CFHR5: variants seen among roughly 807,000 people sequenced by gnomAD.
CFHR5 encodes complement factor H-related protein 5.
A neutral mutation model predicts 62.9 loss-of-function variants in CFHR5; 73 were observed. The observed-to-expected ratio is 1.16, with a 90% CI of 0.96 to 1.41. CFHR5 has a LOEUF of 1.41. Ranked by LOEUF, CFHR5 falls within the 40% of genes most tolerant of loss-of-function variation. The pLI is 0.00. For missense variants in CFHR5, 779 were observed against 679.9 expected, an observed-to-expected ratio of 1.15 and a Z score of -1.62; for synonymous variants, 249 against 227.2, an observed-to-expected ratio of 1.10 and a Z score of -0.86.
chr1:196,976,105 T>C (rs1653389809), upstream of CFHR5, among the ~76,000 whole-genome samples: 1 of 152,174 alleles, frequency 6.6e-6, no homozygotes, highest in African/African-American at 2.4e-5. Flanking sequence ...TTAGGTAGTG[T>C]AGTAATTGGA....
chr1:196,992,677 A>C lies in CFHR5; in HGVS notation c.431-1403A>C, dbSNP rs146199412. ...TCTTGGAACAGAATCAAGATCAATT[A>C]TTTTCAATGGCATTTTGTTTTTAAC... On this transcript the variant is annotated intron_variant, in intron 3 of 9. Coordinates refer to ENST00000256785, the MANE Select transcript of CFHR5 (RefSeq NM_030787.4). Among the ~76,000 whole-genome samples, 15 of 152,306 alleles carry C rather than the reference A, an allele frequency of 9.8e-5. No individual in the cohort carries two copies. In the East Asian group the frequency reaches 2.9e-3, roughly 29 times the overall value.
intron 2 of CFHR5, among the ~76,000 whole-genome samples, chr1:196,983,718 T>C (rs1007669246): frequency 3.9e-5 from 6 of 152,114 alleles, no homozygotes; most frequent in Non-Finnish European, 8.8e-5. Flanking sequence ...TAGAAGAGTT[T>C]ATAAACACAA....
At chr1:197,003,616 A>G (rs1654206411) in intron 8 of CFHR5, among the ~76,000 whole-genome samples, 1 of 152,170 alleles carries the variant, frequency 6.6e-6, no homozygotes, top group South Asian at 2.1e-4. Flanking sequence ...CAATCTATTT[A>G]TCTAAATAAA....
chr1:196,998,927 A>G (rs960519774), intron 7 of CFHR5, among the ~76,000 whole-genome samples: 3 of 152,028 alleles, frequency 2.0e-5, no homozygotes, highest in Non-Finnish European at 2.9e-5. Flanking sequence ...ACTTCTCATC[A>G]GCAACGTCAA....
chr1:196,996,475 T>C (rs916694778), intron 6 of CFHR5, among the ~76,000 whole-genome samples: 1 of 152,210 alleles, frequency 6.6e-6, no homozygotes, highest in African/African-American at 2.4e-5. Flanking sequence ...TATGCTTGAA[T>C]AGTTATACTT....
Position 196,995,820 on chromosome 1 carries a change from C to T in CFHR5, c.711C>T (p.Cys237=). The T allele has an allele frequency of 6.2e-7, 1 of 1,612,462 alleles. No homozygotes were observed. The highest frequency in any genetic ancestry group is 8.5e-7 in the Non-Finnish European group (1 of 1,178,676). The change falls in exon 5 of 10, where the codon TGC becomes TGT. Residue 237 remains cysteine, a synonymous_variant. Coordinates refer to ENST00000256785, the MANE Select transcript of CFHR5 (RefSeq NM_030787.4). ...ACAATGAAGTAGTGGAATATGATTG[C>T]AATCCTAATTTTATAATAAACGGGC... The part of the protein sequence containing the change: ...YGHNEVVEYD[C]NPNFIINGPK...
chr1:196,990,048 G>T (rs552391128), intron 3 of CFHR5, among the ~76,000 whole-genome samples: 47 of 152,194 alleles, frequency 3.1e-4, no homozygotes, highest in Non-Finnish European at 4.4e-5. Context: ...ATTAATCTGG[G>T]TTCTCCTGTT....
At chr1:196,976,799 C>CTT (rs10588279), upstream of CFHR5, among the ~76,000 whole-genome samples, 1,547 of 98,082 alleles carry the variant, frequency 0.016, 41 homozygotes, top group African/African-American at 0.033. Context: ...AAAAATTATT[C>CTT]TTTTTTTTTT....
intron 7 of CFHR5, 127 bp downstream of exon 7, chr1:196,998,431 G>A (rs963558853): frequency 3.8e-6 from 3 of 783,744 alleles, no homozygotes; most frequent in Non-Finnish European, 6.4e-6. Flanking sequence ...TAGTAAAGTA[G>A]AAACTAGTTA....
intron 3 of CFHR5, among the ~76,000 whole-genome samples, chr1:196,987,653 G>T (rs756007790): frequency 2.4e-4 from 36 of 152,106 alleles, no homozygotes; most frequent in Non-Finnish European, 4.9e-4. Context: ...TCTCAGGTTT[G>T]TCAAAGATCA....
intron 1 of CFHR5, among the ~76,000 whole-genome samples, chr1:196,982,122 C>T (rs965308162): frequency 7.3e-5 from 11 of 150,990 alleles, no homozygotes; most frequent in Admixed American, 3.3e-4. Flanking sequence ...TTTTACTGCA[C>T]CAGAAAAAAA....
At chr1:196,989,009 T>TAGA (rs1653770639) in intron 3 of CFHR5, among the ~76,000 whole-genome samples, 1 of 152,118 alleles carries the variant, frequency 6.6e-6, no homozygotes, top group Admixed American at 6.5e-5. Flanking sequence ...CTGAACTTTT[T>TAGA]TGGGTGGTAG....
chr1:196,988,245 C>T (rs1364769955), intron 3 of CFHR5, among the ~76,000 whole-genome samples: 6 of 152,128 alleles, frequency 3.9e-5, no homozygotes, highest in Admixed American at 6.5e-5. Context: ...GCTGAAGTTG[C>T]TTATCAGCTT....
intron 7 of CFHR5, among the ~76,000 whole-genome samples, chr1:196,999,554 T>C (rs1654077328): frequency 1.3e-5 from 2 of 151,096 alleles, no homozygotes; most frequent in African/African-American, 4.9e-5. Flanking sequence ...CCTAGTGATG[T>C]AATGTTTAAA....
Position 197,008,584 on chromosome 1 carries a change from T to C in CFHR5, c.1611T>C (p.Val537=). The C allele has an allele frequency of 6.2e-7, 1 of 1,613,624 alleles. No homozygotes were observed. The highest frequency in any genetic ancestry group is 8.5e-7 in the Non-Finnish European group (1 of 1,179,596). The change falls in exon 10 of 10, where the codon GTT becomes GTC. Residue 537 remains valine (V), a synonymous_variant. Transcript: ENST00000256785. ...GKLYAKTGDA[V]EFQCKFPHKA... ...TCTATGCAAAAACAGGGGATGCTGT[T>C]GAATTCCAGTGTAAATTCCCACATA... is the stretch of plus-strand genomic sequence containing the variant.
At position 196,977,760 on chromosome 1, in the gene CFHR5, T is replaced by A. The variant is rs1282587180; in HGVS notation, c.58+38T>A. The A allele has an allele frequency of 2.7e-6, 4 of 1,455,894 alleles. No individual in the cohort carries two copies. In the Admixed American group the frequency reaches 6.7e-5, roughly 24 times the overall value. The allele number at this position is 1,455,894 out of a possible 1,614,324, so 90.2% of individuals were successfully genotyped here. ...CAGATCCGAATATTTTAGTTCCTTTTCAAATGTATTTATTGATTGTGTGTG... is the reference window on the plus strand; with the variant it reads ...CAGATCCGAATATTTTAGTTCCTTTACAAATGTATTTATTGATTGTGTGTG... On this transcript the variant is annotated intron_variant, in intron 1 of 9. Coordinates refer to ENST00000256785, the MANE Select transcript of CFHR5 (RefSeq NM_030787.4).
Position 197,002,642 on chromosome 1 carries a change from G to A in CFHR5, c.1308G>A (p.Trp436Ter), listed in dbSNP as rs201265664. Reference protein sequence around the residue: ...AKEIVCKDGRWQSLPRCVEST... With the variant: ...AKEIVCKDGR ...AAATTGTATGTAAAGATGGACGATG[G>A]CAATCATTACCACGCTGTGTTGGTT... Residue 436 changes from tryptophan (W) to a stop codon, truncating the protein, a stop_gained, in exon 8 of 10, where the codon TGG becomes TGA. Transcript: ENST00000256785. LOFTEE classifies it high-confidence loss of function. 5.1e-5 allele frequency: 83 copies of A among 1,613,082 alleles called. No homozygotes were observed. Among genetic ancestry groups the A allele is most frequent in the Middle Eastern group, 1.6e-4 (1 of 6,068 alleles).
intron 7 of CFHR5, among the ~76,000 whole-genome samples, chr1:197,000,617 C>T (rs1405253169): frequency 6.6e-6 from 1 of 152,148 alleles, no homozygotes; most frequent in Non-Finnish European, 1.5e-5. Flanking sequence ...AGATTACAGA[C>T]ACCTTCAGCT....
At position 197,008,725 on chromosome 1, in the gene CFHR5, C is replaced by T. The variant is rs371795291; in HGVS notation, c.*42C>T. The T allele has an allele frequency of 1.3e-6, 2 of 1,519,956 alleles. No individual in the cohort carries two copies. The highest frequency in any genetic ancestry group is 1.1e-5 in the South Asian group (1 of 88,830). 94.2% of individuals were successfully genotyped at this position (1,519,956 alleles called of 1,614,324 possible). ...CTGAATATATTCTTCAAACATCCAT[C>T]TATGCTAAAAGTAGCCATTATGTAG... On this transcript the variant is annotated 3_prime_UTR_variant, in exon 10 of 10. Coordinates refer to ENST00000256785, the MANE Select transcript of CFHR5 (RefSeq NM_030787.4).
Sources: allele counts gnomAD v4.1 joint callset (sites outside exome capture counted in the v4.1 genomes callset), GRCh38; gene constraint gnomAD v4.1.1; transcripts MANE v1.5; gene names NCBI Gene and HGNC (gene_info 2026-07-23, HGNC 2026-07-21).